CMIP: variants seen among roughly 807,000 people sequenced by gnomAD.
The protein encoded by CMIP is C-Maf-inducing protein.
A neutral mutation model predicts 97.3 loss-of-function variants in CMIP; 13 were observed. The observed-to-expected ratio is 0.13, with a 90% CI of 0.09 to 0.21. CMIP has a LOEUF of 0.21. Ranked by LOEUF, CMIP falls within the 10% of genes least tolerant of loss-of-function variation. The pLI, the probability that CMIP is intolerant of heterozygous loss-of-function variation, is 1.00. For missense variants in CMIP, 847 were observed against 1,024.9 expected (o/e 0.83, Z 2.37); for synonymous variants, 538 against 436.3 (o/e 1.23, Z -2.91).
At chr16:81,482,307 C>G (rs1176908991) in intron 1 of CMIP, among the ~76,000 whole-genome samples, 1 of 152,152 alleles carries the variant, frequency 6.6e-6, no homozygotes, top group African/African-American at 2.4e-5. Flanking sequence ...CACATAGTCA[C>G]AGGTTGAAGG....
At chr16:81,556,771 A>G (rs1411055930) in intron 1 of CMIP, among the ~76,000 whole-genome samples, 1 of 152,238 alleles carries the variant, frequency 6.6e-6, no homozygotes, top group African/African-American at 2.4e-5. Context: ...TATACACACA[A>G]TTGTACATCA....
At chr16:81,529,799 G>C (rs141961219) in intron 1 of CMIP, among the ~76,000 whole-genome samples, 8 of 152,298 alleles carry the variant, frequency 5.3e-5, no homozygotes, top group African/African-American at 1.9e-4. Flanking sequence ...TTGGAGAACG[G>C]GCAAGGATAC....
At chr16:81,653,346 C>T (rs1042466482) in intron 4 of CMIP, among the ~76,000 whole-genome samples, 61 of 152,198 alleles carry the variant, frequency 4.0e-4, no homozygotes, top group African/African-American at 1.3e-3. Context: ...GCCCGTGGGA[C>T]GGGGCCTGGC....
intron 7 of CMIP, among the ~76,000 whole-genome samples, chr16:81,667,799 A>AGAGAGTGTGTGTGTGTGTGTGT: frequency 3.4e-5 from 2 of 58,094 alleles, no homozygotes; most frequent in Non-Finnish European, 6.4e-5. Flanking sequence ...AGAGAGAGAG[A>AGAGAGTGTGTGTGTGTGTGTGT]GTGTGTGTGT....
intron 1 of CMIP, among the ~76,000 whole-genome samples, chr16:81,466,775 A>C (rs1907231927): frequency 6.6e-6 from 1 of 152,172 alleles, no homozygotes; most frequent in Admixed American, 6.5e-5. Flanking sequence ...ACTTGGGCTG[A>C]ACCGAATTTG....
chr16:81,662,171 A>T (rs978198156), intron 6 of CMIP, among the ~76,000 whole-genome samples: 19 of 151,946 alleles, frequency 1.3e-4, no homozygotes, highest in African/African-American at 4.6e-4. Context: ...ACAACAGATC[A>T]CCTCCTCCAT....
chr16:81,505,539 T>G (rs2089692884), intron 1 of CMIP, among the ~76,000 whole-genome samples: 1 of 152,224 alleles, frequency 6.6e-6, no homozygotes, highest in Non-Finnish European at 1.5e-5. Flanking sequence ...AGTGCTTTCT[T>G]AGTTTGGGAA....
At position 81,678,604 on chromosome 16, in the gene CMIP, G is replaced by A; in HGVS notation, c.1364G>A (p.Cys455Tyr). 1 of 1,588,450 alleles carries A rather than the reference G, an allele frequency of 6.3e-7. No homozygotes were observed. Among genetic ancestry groups the A allele is most frequent in the Non-Finnish European group, 8.6e-7 (1 of 1,163,456 alleles). The change falls in exon 10 of 21, where the codon TGC (cysteine) becomes TAC (tyrosine). Residue 455 changes from cysteine to tyrosine, a missense_variant. Physicochemically the swap from Cys to Tyr is radical, Grantham distance 194. This residue lies in a region of CMIP where 202 missense variants were observed against 168.7 expected (regional missense o/e 1.20). Transcript: ENST00000537098. ...LGPQADRTLG[C>Y]YVEILKLLSD... is the part of the protein sequence containing the mutation. The stretch of plus-strand genomic sequence containing the variant: ...CCCCAGGCCGACCGCACGCTCGGCT[G>A]CTACGTGGAAATCCTCAAGCTGCTG...
chr16:81,463,465 TTTGGCG>T (rs1248826207), intron 1 of CMIP, among the ~76,000 whole-genome samples: 1 of 152,200 alleles, frequency 6.6e-6, no homozygotes, highest in East Asian at 1.9e-4. Flanking sequence ...TCCCACTACG[TTTGGCG>T]GGACGGCGGT....
intron 5 of CMIP, among the ~76,000 whole-genome samples, chr16:81,660,123 T>TA (rs2092528652): frequency 6.6e-6 from 1 of 152,084 alleles, no homozygotes; most frequent in South Asian, 2.1e-4. Flanking sequence ...TCCGGCTCAC[T>TA]ATGGAAGGCG....
At chr16:81,523,134 G>C (rs2090060617) in intron 1 of CMIP, among the ~76,000 whole-genome samples, 1 of 152,072 alleles carries the variant, frequency 6.6e-6, no homozygotes, top group Non-Finnish European at 1.5e-5. Context: ...TGCCCAGACT[G>C]GCCTCGAATT....
chr16:81,452,835 C>T (rs75581834), intron 1 of CMIP, among the ~76,000 whole-genome samples: 3,834 of 150,776 alleles, frequency 0.025, 193 homozygotes, highest in East Asian at 0.25. Context: ...GTAAAGCTTC[C>T]ATTCTTTTGC....
chr16:81,696,225 G>C (rs953355455), intron 13 of CMIP: 2 of 396,922 alleles, frequency 5.0e-6, no homozygotes, highest in African/African-American at 4.2e-5. Flanking sequence ...AGGGAAAAGG[G>C]GCTGATTGTG....
chr16:81,618,853 CT>C (rs1302950453), intron 2 of CMIP: 2 of 152,254 alleles, frequency 1.3e-5, no homozygotes, highest in African/African-American at 4.8e-5. Context: ...TGAGGAAGCA[CT>C]TTTCATGGAT....
intron 1 of CMIP, among the ~76,000 whole-genome samples, chr16:81,563,514 C>T (rs1281244476): frequency 6.6e-6 from 1 of 152,180 alleles, no homozygotes; most frequent in Non-Finnish European, 1.5e-5. Context: ...GCATCTGGGG[C>T]CACACTGACA....
At chr16:81,707,888 C>T (rs991608211) in intron 20 of CMIP, among the ~76,000 whole-genome samples, 1 of 152,326 alleles carries the variant, frequency 6.6e-6, no homozygotes. Flanking sequence ...CCGTGAGCCA[C>T]GCTGGCACCT....
chr16:81,696,789 G>A, intron 14 of CMIP, 122 bp downstream of exon 14: 1 of 830,666 alleles, frequency 1.2e-6, no homozygotes, highest in Non-Finnish European at 1.8e-6. Flanking sequence ...CTAACACAGT[G>A]CTGATCATGA....
At chr16:81,612,728 G>C (rs1465359483) in intron 2 of CMIP, among the ~76,000 whole-genome samples, 1 of 152,196 alleles carries the variant, frequency 6.6e-6, no homozygotes, top group Non-Finnish European at 1.5e-5. Context: ...AACACCAGAA[G>C]TCGGAAGCCT....
intron 1 of CMIP, among the ~76,000 whole-genome samples, chr16:81,515,179 G>A (rs1382400838): frequency 1.3e-5 from 2 of 152,234 alleles, no homozygotes; most frequent in African/African-American, 4.8e-5. Context: ...GACTCCAGCA[G>A]AGAGAAACCT....
Sources: allele counts gnomAD v4.1 joint callset (sites outside exome capture counted in the v4.1 genomes callset), GRCh38; gene constraint gnomAD v4.1.1; regional missense constraint gnomAD v4.1.1; transcripts MANE v1.5; gene names NCBI Gene and HGNC (gene_info 2026-07-23, HGNC 2026-07-21).